PGAP6: variants seen among roughly 807,000 people sequenced by gnomAD.
PGAP6 encodes the protein post-GPI attachment to proteins factor 6.
In PGAP6, 62 loss-of-function variants were observed where a neutral mutation model predicts 68.4. The ratio of observed to expected loss-of-function variants is 0.91; its 90% confidence interval spans 0.74 to 1.12. The LOEUF is 1.12. Ranked by LOEUF, PGAP6 falls within the 50% of genes most tolerant of loss-of-function variation. The pLI is 0.00. For missense variants in PGAP6, 1,188 were observed against 1,068.5 expected, an observed-to-expected ratio of 1.11 and a Z score of -1.56; for synonymous variants, 575 against 474.0, an observed-to-expected ratio of 1.21 and a Z score of -2.77.
chr16:370,829 C>G lies in PGAP6; in HGVS notation c.*1158G>C, dbSNP rs2054324892. On this transcript the variant is annotated 3_prime_UTR_variant, in exon 13 of 13. Transcript: ENST00000431232. ...AATGTAGAATATTAAATTCACCAAA[C>G]ACAGATAGATCAGATCTACATAAAA... 1.3e-5 allele frequency: 2 copies of G among 151,970 alleles called. No individual in the cohort carries two copies. The highest frequency in any genetic ancestry group is 5.0e-5 in the African/African-American group (2 of 40,296). The allele number at this position is 151,970 out of a possible 1,614,324, so 9.4% of individuals were successfully genotyped here.
upstream of PGAP6, among the ~76,000 whole-genome samples, chr16:384,994 T>G (rs2054472067): frequency 6.6e-6 from 1 of 151,792 alleles, no homozygotes; most frequent in South Asian, 2.1e-4. Flanking sequence ...GAATTATTTT[T>G]GTCTCTACTA....
Position 376,559 on chromosome 16 carries a change from C to T in PGAP6, c.889G>A (p.Val297Ile). Residue 297 changes from valine to isoleucine, a missense_variant, in exon 5 of 13, where the codon GTA becomes ATA. Val to Ile is a conservative substitution (Grantham distance 29, BLOSUM62 3). Transcript: ENST00000431232. ...TGCGGCCCACCTGTGAGGGCAGCTA[C>T]AGCACTGAAAGCCACTGTCCCGAGG... ...GPLGTVAFSA[V>I]AALTACRPRS... The T allele has an allele frequency of 6.4e-7, 1 of 1,553,350 alleles. No homozygotes were observed. Among genetic ancestry groups the T allele is most frequent in the Non-Finnish European group, 8.7e-7 (1 of 1,148,734 alleles).
intron 1 of PGAP6, among the ~76,000 whole-genome samples, chr16:379,006 C>A (rs550115093): frequency 6.6e-6 from 1 of 152,292 alleles, no homozygotes; most frequent in African/African-American, 2.4e-5. Flanking sequence ...GCCCTTGCGA[C>A]CTTGGGCATC....
Position 374,084 on chromosome 16 carries a change from T to C in PGAP6, c.1823A>G (p.Tyr608Cys). Residue 608 changes from tyrosine to cysteine, a missense_variant, in exon 11 of 13, where the codon TAC becomes TGC. Tyr to Cys is a radical substitution (Grantham distance 194). Coordinates refer to ENST00000431232, the MANE Select transcript of PGAP6 (RefSeq NM_021259.3). Reference sequence around the variant, plus strand: ...CGCCCCGGAGCCCAAGAAGTCGCAGTACTGCAGCGTGTCGTAGCTGAGGAT... The same window carrying C: ...CGCCCCGGAGCCCAAGAAGTCGCAGCACTGCAGCGTGTCGTAGCTGAGGAT... ...LCILSYDTLQYCDFLGSGAAI... is the reference protein window; with the variant it reads ...LCILSYDTLQCCDFLGSGAAI... 6.2e-7 allele frequency: 1 copy of C among 1,612,050 alleles called. No homozygotes were observed. The highest frequency in any genetic ancestry group is 8.5e-7 in the Non-Finnish European group (1 of 1,179,948).
chr16:383,799 G>A (rs1240558418), upstream of PGAP6, among the ~76,000 whole-genome samples: 2 of 152,160 alleles, frequency 1.3e-5, no homozygotes, highest in African/African-American at 2.4e-5. Flanking sequence ...TGGCCGCAGG[G>A]ACCATACCTG....
chr16:379,419 G>A lies in PGAP6; in HGVS notation c.122-1571C>T, dbSNP rs111881486. Among the ~76,000 whole-genome samples the A allele has an allele frequency of 5.2e-3, 792 of 152,352 alleles. 12 individuals carry two copies. The highest frequency in any genetic ancestry group is 0.017 in the African/African-American group (721 of 41,596). Reference sequence around the variant, plus strand: ...CAGGGGCTGGCCAGGCTCCACCCACGACGCACTCCAGGCTTTCCAGGTGTC... The same window carrying A: ...CAGGGGCTGGCCAGGCTCCACCCACAACGCACTCCAGGCTTTCCAGGTGTC... On this transcript the variant is annotated intron_variant, in intron 1 of 12. Transcript: ENST00000431232.
In PGAP6 at chr16:372,104, T is replaced by C. The variant is rs774167485; in HGVS notation, c.2199A>G (p.Ala733=). 1.2e-6 allele frequency: 2 copies of C among 1,612,126 alleles called. No individual in the cohort carries two copies. The highest frequency in any genetic ancestry group is 1.7e-6 in the Non-Finnish European group (2 of 1,179,850). The change falls in exon 13 of 13, where the codon GCA becomes GCG. Residue 733 remains alanine (A), a synonymous_variant. Coordinates refer to ENST00000431232, the MANE Select transcript of PGAP6 (RefSeq NM_021259.3). Reference sequence around the variant, plus strand: ...GGTCAGGTGGCGGCAGCAGCAAGGCTGCGCTCCCGGCCAGCAGGATGTGCC... The same window carrying C: ...GGTCAGGTGGCGGCAGCAGCAAGGCCGCGCTCCCGGCCAGCAGGATGTGCC... ...SIWHILLAGS[A]ALLLPPPDQP...
intron 1 of PGAP6, among the ~76,000 whole-genome samples, chr16:378,596 G>A (rs2054413098): frequency 6.6e-6 from 1 of 152,212 alleles, no homozygotes; most frequent in Non-Finnish European, 1.5e-5. Flanking sequence ...CCCAGCAGGT[G>A]TCAGGAAGGA....
At chr16:372,478 G>T in intron 12 of PGAP6, 133 bp downstream of exon 12, 1 of 963,596 alleles carries the variant, frequency 1.0e-6, no homozygotes, top group Non-Finnish European at 1.6e-6. Context: ...GGGCCTCTGT[G>T]GGTGCCATGG....
chr16:376,825 G>T lies in PGAP6; in HGVS notation c.636-13C>A. ...GGGGACAAAGACCCTGCAGCGAGGG[G>T]ACACAGCTGGCTCAGGCTCTGCCAT... On this transcript the variant is annotated splice_polypyrimidine_tract_variant and intron_variant, in intron 4 of 12. Coordinates refer to ENST00000431232, the MANE Select transcript of PGAP6 (RefSeq NM_021259.3). 6.2e-7 allele frequency: 1 copy of T among 1,601,736 alleles called. No homozygotes were observed. The highest frequency in any genetic ancestry group is 1.1e-5 in the South Asian group (1 of 90,946).
upstream of PGAP6, chr16:382,261 G>C (rs1296311991): frequency 2.5e-6 from 1 of 393,232 alleles, no homozygotes; most frequent in African/African-American, 2.1e-5. Flanking sequence ...CGTGGGCTCC[G>C]CGGGGCTTCC....
intron 1 of PGAP6, 29 bp from the exon 2 acceptor site, chr16:377,877 C>G (rs552481999): frequency 6.5e-7 from 1 of 1,527,762 alleles, no homozygotes; most frequent in Admixed American, 2.0e-5. Context: ...GTCAGCCAGG[C>G]CGGGACCCTC....
upstream of PGAP6, among the ~76,000 whole-genome samples, chr16:385,678 G>T (rs1271806921): frequency 7.9e-6 from 1 of 126,666 alleles, no homozygotes; most frequent in Non-Finnish European, 1.6e-5. Context: ...AGGCTGGAGT[G>T]CAGTGGCGCG....
In PGAP6 at chr16:374,874, C is replaced by G; in HGVS notation, c.1458G>C (p.Val486=). The change falls in exon 9 of 13, where the codon GTG becomes GTC. Residue 486 remains valine (V), a synonymous_variant. Coordinates refer to ENST00000431232, the MANE Select transcript of PGAP6 (RefSeq NM_021259.3). ...GGTACAAGGTGGTCTCCACGTGGAC[C>G]ACAGCCTGCTCACAGTCCCTTTGAG... ...PENAEDCEQA[V]VHVETTLYLV... 1 of 1,612,922 alleles carries G rather than the reference C, an allele frequency of 6.2e-7. No individual in the cohort carries two copies. Among genetic ancestry groups the G allele is most frequent in the East Asian group, 2.2e-5 (1 of 44,886 alleles).
rs747674291 is a variant in PGAP6 at position 376,254 on chromosome 16, T to C, written c.1106A>G (p.Gln369Arg). 1.2e-6 allele frequency: 2 copies of C among 1,612,728 alleles called. No homozygotes were observed. The highest frequency in any genetic ancestry group is 4.5e-5 in the East Asian group (2 of 44,870). The part of the protein sequence containing the change: ...EDMDVVSVHF[Q>R]PLDRVSVRVC... ...CCTCACCGAGACCCTGTCCAGGGGCTGGAAGTGCACCGACACCACGTCCAT... is the reference window on the plus strand; with the variant it reads ...CCTCACCGAGACCCTGTCCAGGGGCCGGAAGTGCACCGACACCACGTCCAT... The change falls in exon 6 of 13, where the codon CAG becomes CGG. Residue 369 changes from glutamine (Q) to arginine (R), a missense_variant. By Grantham distance (43) the Gln-to-Arg change is conservative (BLOSUM62 1). Transcript: ENST00000431232.
chr16:373,002 C>T (rs765677596), intron 11 of PGAP6, among the ~76,000 whole-genome samples: 5 of 152,192 alleles, frequency 3.3e-5, no homozygotes, highest in East Asian at 3.8e-4. Context: ...CGCATATGGC[C>T]GCTCTGCACC....
Position 374,083 on chromosome 16 carries a change from G to A in PGAP6, c.1824C>T (p.Tyr608=). 4.3e-6 allele frequency: 7 copies of A among 1,612,052 alleles called. No individual in the cohort carries two copies. Among genetic ancestry groups the A allele is most frequent in the Non-Finnish European group, 5.9e-6 (7 of 1,179,950 alleles). The change falls in exon 11 of 13, where the codon TAC becomes TAT. Residue 608 remains tyrosine, a synonymous_variant. Coordinates refer to ENST00000431232, the MANE Select transcript of PGAP6 (RefSeq NM_021259.3). ...CCGCCCCGGAGCCCAAGAAGTCGCA[G>A]TACTGCAGCGTGTCGTAGCTGAGGA... ...LCILSYDTLQ[Y]CDFLGSGAAI...
upstream of PGAP6, among the ~76,000 whole-genome samples, chr16:385,756 C>T (rs562246150): frequency 1.7e-4 from 25 of 151,108 alleles, no homozygotes; most frequent in South Asian, 1.3e-3. Flanking sequence ...TCCCGAGTAG[C>T]TGGGACTACA....
intron 1 of PGAP6, among the ~76,000 whole-genome samples, chr16:381,430 G>GGGA (rs1286080978): frequency 6.6e-6 from 1 of 152,102 alleles, no homozygotes; most frequent in South Asian, 2.1e-4. Context: ...TGGGCGCTCT[G>GGGA]GGAGGAGGAG....
Sources: gnomAD v4.1 joint callset for allele counts (sites outside exome capture counted in the v4.1 genomes callset) on GRCh38, gnomAD v4.1.1 for gene constraint, MANE v1.5 for transcripts, NCBI Gene and HGNC (gene_info 2026-07-23, HGNC 2026-07-21) for gene names.